FGGY: variants seen among roughly 807,000 people sequenced by gnomAD.
FGGY encodes FGGY carbohydrate kinase domain-containing protein.
FGGY carries 72 observed loss-of-function variants against 71.3 expected under a neutral mutation model. That is an observed-to-expected ratio of 1.01 (90% confidence interval 0.84 to 1.23). FGGY has a LOEUF of 1.23. Among genes scored for constraint, FGGY ranks in the 50% most tolerant of loss-of-function variants. The pLI is 0.00. For missense variants in FGGY, 668 were observed against 682.3 expected, an observed-to-expected ratio of 0.98 and a Z score of 0.23; for synonymous variants, 251 against 250.3, an observed-to-expected ratio of 1.00 and a Z score of -0.02.
At chr1:59,681,559 G>C (rs2097498970) in intron 14 of FGGY, among the ~76,000 whole-genome samples, 1 of 152,196 alleles carries the variant, frequency 6.6e-6, no homozygotes, top group Non-Finnish European at 1.5e-5. Flanking sequence ...AGACGTGCCT[G>C]TAAGTAATTA....
intron 8 of FGGY, among the ~76,000 whole-genome samples, chr1:59,593,118 G>A (rs2096476234): frequency 1.3e-5 from 2 of 152,154 alleles, no homozygotes; most frequent in Admixed American, 6.5e-5. Flanking sequence ...ACTCTGTGTG[G>A]GACATTTATG....
chr1:59,456,904 A>G, intron 5 of FGGY, 57 bp from the exon 6 acceptor site: 3 of 1,309,656 alleles, frequency 2.3e-6, no homozygotes, highest in Admixed American at 3.6e-5. Flanking sequence ...TTTGCAAAAT[A>G]TAAAGGAAGC....
At chr1:59,414,570 T>C (rs1216158140) in intron 5 of FGGY, among the ~76,000 whole-genome samples, 1 of 152,162 alleles carries the variant, frequency 6.6e-6, no homozygotes, top group Non-Finnish European at 1.5e-5. Flanking sequence ...CCATGGATCC[T>C]GCGTGAAACA....
At chr1:59,472,475 C>T (rs1027662557) in intron 6 of FGGY, among the ~76,000 whole-genome samples, 41 of 152,348 alleles carry the variant, frequency 2.7e-4, no homozygotes, top group African/African-American at 7.7e-4. Flanking sequence ...TGCGGGCGCA[C>T]GGCGCGGGAC....
At chr1:59,397,546 T>C (rs2061467041) in intron 5 of FGGY, among the ~76,000 whole-genome samples, 1 of 152,148 alleles carries the variant, frequency 6.6e-6, no homozygotes. Flanking sequence ...CAGATACTAG[T>C]GGACTATACT....
intron 6 of FGGY, among the ~76,000 whole-genome samples, chr1:59,457,517 G>A (rs145705118): frequency 4.0e-4 from 61 of 152,178 alleles, no homozygotes; most frequent in African/African-American, 1.4e-3. Context: ...AGGCTGAGGT[G>A]GGGGGATTGC....
At chr1:59,683,343 G>A (rs2097519922) in intron 14 of FGGY, among the ~76,000 whole-genome samples, 1 of 152,144 alleles carries the variant, frequency 6.6e-6, no homozygotes, top group African/African-American at 2.4e-5. Context: ...GGCTATCCCA[G>A]GACTGTGCTT....
intron 6 of FGGY, among the ~76,000 whole-genome samples, chr1:59,467,037 A>G (rs1263930902): frequency 6.6e-6 from 1 of 152,188 alleles, no homozygotes; most frequent in Non-Finnish European, 1.5e-5. Context: ...TGCTACTATA[A>G]AGACACGCGT....
At chr1:59,347,436 T>C (rs1233680975) in intron 4 of FGGY, among the ~76,000 whole-genome samples, 2 of 152,152 alleles carry the variant, frequency 1.3e-5, no homozygotes, top group Non-Finnish European at 2.9e-5. Context: ...ACTCATCATT[T>C]TTTATGGCTG....
In FGGY at chr1:59,724,526, T is replaced by TC. The variant is rs570819808; in HGVS notation, c.1513-33402dup. Among the ~76,000 whole-genome samples, 13 of 152,172 alleles carry TC rather than the reference T, an allele frequency of 8.5e-5. No individual in the cohort carries two copies. The South Asian group carries it at 2.7e-3, about 32-fold the overall frequency. Reference sequence around the variant, plus strand: ...CCCCTGTGTTTTACCTCTTTAACTTTCCCTCCTTTTTTCCCAACTCCTTGA... The same window carrying TC: ...CCCCTGTGTTTTACCTCTTTAACTTTCCCCTCCTTTTTTCCCAACTCCTTGA... On this transcript the variant is annotated intron_variant, in intron 14 of 15. Coordinates refer to ENST00000303721, the MANE Select transcript of FGGY (RefSeq NM_018291.5).
chr1:59,743,831 G>A (rs186164471), intron 14 of FGGY, among the ~76,000 whole-genome samples: 2 of 152,192 alleles, frequency 1.3e-5, no homozygotes, highest in East Asian at 1.9e-4. Flanking sequence ...ATCCCCTGCA[G>A]CCTCCTTTCT....
rs1350056216 is a variant in FGGY at position 59,754,226 on chromosome 1, G to C, written c.1513-3705G>C. Among the ~76,000 whole-genome samples the C allele has an allele frequency of 5.9e-5, 9 of 152,348 alleles. No individual in the cohort carries two copies. The East Asian group carries it at 1.3e-3, about 23-fold the overall frequency. On this transcript the variant is annotated intron_variant, in intron 14 of 15. Transcript: ENST00000303721. Reference sequence around the variant, plus strand: ...TCTCTTAGCCTTATAGGTGTTTACAGCTAGCTCTGATTCTCATAAGGCACA... The same window carrying C: ...TCTCTTAGCCTTATAGGTGTTTACACCTAGCTCTGATTCTCATAAGGCACA...
At chr1:59,749,417 T>C (rs572692967) in intron 14 of FGGY, among the ~76,000 whole-genome samples, 2 of 152,098 alleles carry the variant, frequency 1.3e-5, no homozygotes, top group South Asian at 4.1e-4. Flanking sequence ...ACTAACTAAC[T>C]GGGGTCAGTG....
At chr1:59,664,630 A>T (rs1047226085) in intron 12 of FGGY, among the ~76,000 whole-genome samples, 1 of 152,250 alleles carries the variant, frequency 6.6e-6, no homozygotes, top group Admixed American at 6.5e-5. Context: ...GTCAAATTAT[A>T]TATCTCCTAA....
At chr1:59,566,858 T>A (rs1005602366) in intron 8 of FGGY, among the ~76,000 whole-genome samples, 1 of 152,132 alleles carries the variant, frequency 6.6e-6, no homozygotes, top group South Asian at 2.1e-4. Context: ...AGTATAGTGA[T>A]GTTTGAGAAA....
chr1:59,346,411 G>T lies in FGGY; in HGVS notation c.465+13G>T. 2.5e-6 allele frequency: 4 copies of T among 1,610,710 alleles called. No individual in the cohort carries two copies. The highest frequency in any genetic ancestry group is 3.4e-6 in the Non-Finnish European group (4 of 1,179,140). The stretch of plus-strand genomic sequence containing the variant: ...GTGGCTGAAAGAGGTGAGTGCATAG[G>T]GTCTAAGAGAAGATACCAACAATAG... On this transcript the variant is annotated intron_variant, in intron 4 of 15. Coordinates refer to ENST00000303721, the MANE Select transcript of FGGY (RefSeq NM_018291.5).
chr1:59,748,366 T>C (rs2098217468), intron 14 of FGGY, among the ~76,000 whole-genome samples: 1 of 152,174 alleles, frequency 6.6e-6, no homozygotes, highest in Admixed American at 6.6e-5. Flanking sequence ...CTGCTTCTGC[T>C]AAGAGTGGCC....
At chr1:59,551,919 T>C (rs1355787466) in intron 7 of FGGY, among the ~76,000 whole-genome samples, 1 of 152,154 alleles carries the variant, frequency 6.6e-6, no homozygotes, top group Non-Finnish European at 1.5e-5. Flanking sequence ...ATCGTGTCAC[T>C]CAGGATTCAC....
chr1:59,535,082 A>G (rs1278958366), intron 7 of FGGY, among the ~76,000 whole-genome samples: 1 of 152,198 alleles, frequency 6.6e-6, no homozygotes, highest in Non-Finnish European at 1.5e-5. Context: ...GTATTCAGGA[A>G]ACCCATCTCA....
Sources: gnomAD v4.1 joint callset for allele counts (sites outside exome capture counted in the v4.1 genomes callset) on GRCh38, gnomAD v4.1.1 for gene constraint, MANE v1.5 for transcripts, NCBI Gene and HGNC (gene_info 2026-07-23, HGNC 2026-07-21) for gene names.